RNF220: variants seen among roughly 807,000 people sequenced by gnomAD.
The protein encoded by RNF220 is ring finger protein 220.
Under a neutral mutation model 67.1 loss-of-function variants are expected in RNF220, and 7 were observed. The observed-to-expected ratio is 0.10, with a 90% CI of 0.06 to 0.20. The LOEUF (loss-of-function observed/expected upper bound fraction) is 0.20, where lower values mean the gene tolerates loss of function less well. Ranked by LOEUF, RNF220 falls within the 10% of genes least tolerant of loss-of-function variation. The probability of loss-of-function intolerance (pLI) is 1.00; values close to 1 mark genes in which losing one functional copy is unlikely to be tolerated. For synonymous variants in RNF220, 270 were observed against 283.2 expected (o/e 0.95, Z 0.47); for missense variants, 565 against 740.3 (o/e 0.76, Z 2.75).
At chr1:44,538,332 C>T (rs1455570998) in intron 2 of RNF220, among the ~76,000 whole-genome samples, 2 of 151,814 alleles carry the variant, frequency 1.3e-5, no homozygotes, top group Admixed American at 6.6e-5. Flanking sequence ...TTTTTTAATC[C>T]CTGCCCCTTC....
intron 2 of RNF220, among the ~76,000 whole-genome samples, chr1:44,471,811 C>A (rs150416436): frequency 0.012 from 1,760 of 148,404 alleles, 33 homozygotes; most frequent in African/African-American, 0.042. Flanking sequence ...GCAACAAGAA[C>A]GAAACTCCAT....
Position 44,649,638 on chromosome 1 carries a change from C to A in RNF220, c.1446-23C>A. On this transcript the variant is annotated intron_variant, in intron 12 of 14. Coordinates refer to ENST00000361799, the MANE Select transcript of RNF220 (RefSeq NM_018150.4). The surrounding 1 kb of genome is among the most constrained non-coding windows in gnomAD (Gnocchi z 5.9). ...AGATGAGAGATGCCAGCCTGCTACC[C>A]AACCATGCCTTCCTTTTTACAGAAT... 6.2e-7 allele frequency: 1 copy of A among 1,609,740 alleles called. No homozygotes were observed. Among genetic ancestry groups the A allele is most frequent in the South Asian group, 1.1e-5 (1 of 90,986 alleles).
chr1:44,602,097 G>A (rs1490768702), intron 2 of RNF220, among the ~76,000 whole-genome samples: 1 of 152,048 alleles, frequency 6.6e-6, no homozygotes, highest in Non-Finnish European at 1.5e-5. Context: ...AGGGAGTTCC[G>A]TCACGGGTTC....
At chr1:44,614,373 C>T (rs970450524) in intron 3 of RNF220, 76 bp downstream of exon 3, 16 of 1,549,786 alleles carry the variant, frequency 1.0e-5, no homozygotes, top group East Asian at 9.1e-5. Context: ...CAGAAGCAGC[C>T]GCCTGGCCCA....
chr1:44,511,022 G>T (rs1355227679), intron 2 of RNF220, among the ~76,000 whole-genome samples: 1 of 152,228 alleles, frequency 6.6e-6, no homozygotes, highest in Non-Finnish European at 1.5e-5. Context: ...GTGGGGGGAT[G>T]ACGGGGAGTG....
intron 2 of RNF220, among the ~76,000 whole-genome samples, chr1:44,595,543 T>A (rs1666419007): frequency 6.6e-6 from 1 of 152,058 alleles, no homozygotes; most frequent in Non-Finnish European, 1.5e-5. Flanking sequence ...ACAGGATCAG[T>A]AAGCAGGTGT....
Position 44,626,429 on chromosome 1 carries a change from G to A in RNF220, c.906+31G>A, listed in dbSNP as rs760989618. The A allele has an allele frequency of 2.9e-5, 45 of 1,563,592 alleles. No individual in the cohort carries two copies. The Admixed American group carries it at 7.4e-4, about 26-fold the overall frequency. On this transcript the variant is annotated intron_variant, in intron 5 of 14. Transcript: ENST00000361799. The stretch of plus-strand genomic sequence containing the variant: ...GAGGGGTGGTGAGTGGCCATGAGAA[G>A]CAAGCTCACCTGGGGGAGGGCTTCA...
intron 8 of RNF220, chr1:44,643,979 C>G (rs1056294711): frequency 6.5e-6 from 1 of 153,158 alleles, no homozygotes; most frequent in African/African-American, 2.4e-5. Context: ...CAGCCACTTG[C>G]GTGGCCCATG....
chr1:44,622,856 T>A lies in RNF220; in HGVS notation c.804+69T>A. The A allele has an allele frequency of 7.3e-7, 1 of 1,368,092 alleles. No homozygotes were observed. Among genetic ancestry groups the A allele is most frequent in the Non-Finnish European group, 1.0e-6 (1 of 963,758 alleles). 84.7% of individuals were successfully genotyped at this position (1,368,092 alleles called of 1,614,324 possible). On this transcript the variant is annotated intron_variant, in intron 4 of 14. Coordinates refer to ENST00000361799, the MANE Select transcript of RNF220 (RefSeq NM_018150.4). This position sits in a 1 kb window ranked among gnomAD's most constrained non-coding sequence, Gnocchi z 4.3. Reference sequence around the variant, plus strand: ...AGGCCTACCCAGAACTGGTTCCTCCTGAGAAAAAGGAGCTTTTCTAGTATC... The same window carrying A: ...AGGCCTACCCAGAACTGGTTCCTCCAGAGAAAAAGGAGCTTTTCTAGTATC...
At chr1:44,483,301 T>C (rs1656003218) in intron 2 of RNF220, among the ~76,000 whole-genome samples, 1 of 152,158 alleles carries the variant, frequency 6.6e-6, no homozygotes, top group Admixed American at 6.5e-5. Context: ...AGACCTGTTC[T>C]ACCTTGCTCA....
At chr1:44,591,137 G>A (rs1666087413) in intron 2 of RNF220, among the ~76,000 whole-genome samples, 1 of 152,124 alleles carries the variant, frequency 6.6e-6, no homozygotes, top group Non-Finnish European at 1.5e-5. Flanking sequence ...ATTTTTGGTA[G>A]AGACAAGGTT....
chr1:44,623,594 G>C (rs1022277327), intron 4 of RNF220, among the ~76,000 whole-genome samples: 1 of 152,196 alleles, frequency 6.6e-6, no homozygotes, highest in African/African-American at 2.4e-5. Flanking sequence ...TTCAGAACAG[G>C]AGGCCACCCC....
chr1:44,629,682 A>G (rs1249222881), intron 5 of RNF220, among the ~76,000 whole-genome samples: 2 of 152,176 alleles, frequency 1.3e-5, no homozygotes, highest in Non-Finnish European at 2.9e-5. Context: ...TACTAAAAAT[A>G]TAAAATAAAA....
At chr1:44,501,566 AAG>A (rs1394644282) in intron 2 of RNF220, among the ~76,000 whole-genome samples, 3,836 of 152,228 alleles carry the variant, frequency 0.025, 142 homozygotes, top group African/African-American at 0.088. Flanking sequence ...AGAACTGGTC[AAG>A]AAAGGAAAGC....
intron 2 of RNF220, among the ~76,000 whole-genome samples, chr1:44,495,103 C>T (rs1657213351): frequency 6.6e-6 from 1 of 152,114 alleles, no homozygotes; most frequent in African/African-American, 2.4e-5. Context: ...GTCCCAGCTA[C>T]TCCGGAGGCT....
intron 2 of RNF220, among the ~76,000 whole-genome samples, chr1:44,569,086 C>G (rs1664246594): frequency 6.6e-6 from 1 of 152,144 alleles, no homozygotes; most frequent in South Asian, 2.1e-4. Context: ...TGATGAAGAA[C>G]AAACACTTCA....
chr1:44,528,276 G>T (rs868085097), intron 2 of RNF220, among the ~76,000 whole-genome samples: 13 of 151,498 alleles, frequency 8.6e-5, no homozygotes, highest in Non-Finnish European at 1.9e-4. Flanking sequence ...ATTAAATGAG[G>T]TGATATTTTG....
chr1:44,534,934 C>G (rs1000751871), intron 2 of RNF220, among the ~76,000 whole-genome samples: 1 of 152,098 alleles, frequency 6.6e-6, no homozygotes, highest in African/African-American at 2.4e-5. Context: ...TTAAGCTCTT[C>G]AAGTGGAGAT....
intron 2 of RNF220, among the ~76,000 whole-genome samples, chr1:44,493,962 T>C (rs983224965): frequency 1.3e-5 from 2 of 152,006 alleles, no homozygotes. Flanking sequence ...ATCCCAGCAT[T>C]TTAGGAGGCC....
Sources: gnomAD v4.1 joint callset for allele counts (sites outside exome capture counted in the v4.1 genomes callset) on GRCh38, gnomAD v4.1.1 for gene constraint, Gnocchi (gnomAD v3.1) non-coding constraint, MANE v1.5 for transcripts, NCBI Gene and HGNC (gene_info 2026-07-23, HGNC 2026-07-21) for gene names.